SRGAP1: variants seen among roughly 807,000 people sequenced by gnomAD.
The protein encoded by SRGAP1 is SLIT-ROBO Rho GTPase-activating protein 1.
In SRGAP1, 43 loss-of-function variants were observed where a neutral mutation model predicts 121.9. The observed-to-expected ratio is 0.35, with a 90% CI of 0.28 to 0.46. SRGAP1 has a LOEUF of 0.46. Among genes scored for constraint, SRGAP1 ranks in the 20% least tolerant of loss-of-function variants. The probability of loss-of-function intolerance (pLI) is 1.00; values close to 1 mark genes in which losing one functional copy is unlikely to be tolerated. For missense variants in SRGAP1, 1,102 were observed against 1,350.9 expected (o/e 0.82, Z 2.89); for synonymous variants, 447 against 485.4 (o/e 0.92, Z 1.04).
chr12:63,870,614 A>G (rs1342098914), intron 1 of SRGAP1, among the ~76,000 whole-genome samples: 1 of 143,250 alleles, frequency 7.0e-6, no homozygotes, highest in Non-Finnish European at 1.5e-5. Context: ...CTCAGCTGTC[A>G]GTGCAACCTC....
At chr12:63,902,552 T>A (rs1020839330) in intron 1 of SRGAP1, among the ~76,000 whole-genome samples, 3 of 152,188 alleles carry the variant, frequency 2.0e-5, no homozygotes, top group Non-Finnish European at 4.4e-5. Context: ...ACTGGAGGCA[T>A]CTGTTCAAAA....
chr12:64,084,863 A>C (rs1017646546), intron 10 of SRGAP1, among the ~76,000 whole-genome samples: 64 of 152,000 alleles, frequency 4.2e-4, no homozygotes, highest in Non-Finnish European at 9.1e-4. Context: ...ATGTTATTAA[A>C]TTTACATTTA....
At chr12:63,946,734 G>A (rs1325652805) in intron 1 of SRGAP1, among the ~76,000 whole-genome samples, 5 of 151,856 alleles carry the variant, frequency 3.3e-5, no homozygotes, top group African/African-American at 1.2e-4. Context: ...TAGTAGAGAC[G>A]GGGTTTCTCC....
intron 1 of SRGAP1, among the ~76,000 whole-genome samples, chr12:63,921,346 A>T (rs1338356177): frequency 6.6e-6 from 1 of 152,160 alleles, no homozygotes; most frequent in Admixed American, 6.5e-5. Flanking sequence ...CAAGTTCAAA[A>T]CCCTTCAAGA....
chr12:64,130,792 C>G (rs573493419), intron 21 of SRGAP1, among the ~76,000 whole-genome samples: 153 of 152,326 alleles, frequency 1.0e-3, no homozygotes, highest in Non-Finnish European at 1.9e-3. Flanking sequence ...TTCCATGAGT[C>G]ACAGATGGTA....
chr12:63,884,295 A>C (rs967295686), intron 1 of SRGAP1, among the ~76,000 whole-genome samples: 1 of 152,116 alleles, frequency 6.6e-6, no homozygotes, highest in Non-Finnish European at 1.5e-5. Context: ...AAAAAAAGGA[A>C]GTATGGAGAG....
rs1205207124 is a variant in SRGAP1, at chr12:64,142,398, AAGT to A, written c.2985_2987del (p.Val996del). 2 of 1,613,982 alleles carry A rather than the reference AAGT, an allele frequency of 1.2e-6. No homozygotes were observed. The highest frequency in any genetic ancestry group is 2.7e-5 in the African/African-American group (2 of 74,900). ...GATGTGGTGCTGGATACCCTGGAGC[AAGT>A]GAAAAACTCTCCCACCCCTGCCACT... On this transcript the variant is annotated inframe_deletion, in exon 22 of 22. Coordinates refer to ENST00000355086, the MANE Select transcript of SRGAP1 (RefSeq NM_020762.4).
Position 64,042,897 on chromosome 12 carries a change from A to G in SRGAP1, c.597A>G (p.Pro199=), listed in dbSNP as rs1311598061. 3 of 1,613,676 alleles carry G rather than the reference A, an allele frequency of 1.9e-6. No homozygotes were observed. The highest frequency in any genetic ancestry group is 2.5e-6 in the Non-Finnish European group (3 of 1,179,766). ...AGCAAATTGGGAGATCTGGTGATCCAGTCTTCCATATTCGACTAGAGGAGA... is the reference window on the plus strand; with the variant it reads ...AGCAAATTGGGAGATCTGGTGATCCGGTCTTCCATATTCGACTAGAGGAGA... ...EEKQIGRSGD[P]VFHIRLEERH... The change falls in exon 5 of 22, where the codon CCA becomes CCG. Residue 199 remains proline, a synonymous_variant. Transcript: ENST00000355086.
rs532306774 is a variant in SRGAP1, at chr12:63,966,512, C to G, written c.68-17435C>G. Reference sequence around the variant, plus strand: ...ATAAAACTTTCCACAGAATTTATGACCAAATTCACATTGGATCAAGTTTTC... The same window carrying G: ...ATAAAACTTTCCACAGAATTTATGAGCAAATTCACATTGGATCAAGTTTTC... On this transcript the variant is annotated intron_variant, in intron 1 of 21. Transcript: ENST00000355086. Among the ~76,000 whole-genome samples the G allele has an allele frequency of 3.0e-4, 46 of 152,172 alleles. 1 individual carries two copies. In the South Asian group the frequency reaches 7.5e-3, roughly 25 times the overall value.
intron 8 of SRGAP1, among the ~76,000 whole-genome samples, chr12:64,077,960 CAATT>C (rs965541035): frequency 2.0e-5 from 3 of 152,148 alleles, no homozygotes; most frequent in South Asian, 2.1e-4. Flanking sequence ...AAAGTGTTCT[CAATT>C]AAGGAGATCC....
At position 64,079,664 on chromosome 12, in the gene SRGAP1, C is replaced by T. The variant is rs1424746136; in HGVS notation, c.1323+548C>T. Among the ~76,000 whole-genome samples the T allele has an allele frequency of 4.0e-5, 6 of 150,914 alleles. No homozygotes were observed. In the East Asian group the frequency reaches 1.2e-3, roughly 30 times the overall value. The stretch of plus-strand genomic sequence containing the variant: ...TCATTCTACTGCACTCCAGCCTGGG[C>T]AAGAGAGTGAGACCCCAACTCTAAA... On this transcript the variant is annotated intron_variant, in intron 9 of 21. Coordinates refer to ENST00000355086, the MANE Select transcript of SRGAP1 (RefSeq NM_020762.4).
At chr12:64,064,611 C>G (rs2034845) in intron 7 of SRGAP1, among the ~76,000 whole-genome samples, 2 of 152,166 alleles carry the variant, frequency 1.3e-5, no homozygotes, top group African/African-American at 4.8e-5. Context: ...TATAAGAACT[C>G]TTATCCTCAT....
intron 21 of SRGAP1, among the ~76,000 whole-genome samples, chr12:64,135,892 A>G (rs915246300): frequency 4.6e-5 from 7 of 152,226 alleles, no homozygotes; most frequent in African/African-American, 1.7e-4. Context: ...AGGTCCCACA[A>G]TAAGCCGTCT....
chr12:63,883,435 C>T (rs1250345824), intron 1 of SRGAP1, among the ~76,000 whole-genome samples: 1 of 152,164 alleles, frequency 6.6e-6, no homozygotes, highest in Non-Finnish European at 1.5e-5. Flanking sequence ...TAGATTGACA[C>T]ATCTCATAGC....
intron 1 of SRGAP1, among the ~76,000 whole-genome samples, chr12:63,855,473 G>GTTTTTTGTTT (rs1899208078): frequency 2.3e-4 from 12 of 52,938 alleles, no homozygotes; most frequent in African/African-American, 7.8e-4. Flanking sequence ...GAAAAATGGT[G>GTTTTTTGTTT]TTTTTTTTTT....
chr12:63,964,450 A>G (rs944736788), intron 1 of SRGAP1, among the ~76,000 whole-genome samples: 1 of 152,140 alleles, frequency 6.6e-6, no homozygotes, highest in Non-Finnish European at 1.5e-5. Flanking sequence ...TTAAGGATGA[A>G]GTCACTTGAG....
intron 1 of SRGAP1, among the ~76,000 whole-genome samples, chr12:63,913,909 C>T (rs533845481): frequency 2.6e-5 from 4 of 151,752 alleles, no homozygotes; most frequent in Middle Eastern, 3.4e-3. Flanking sequence ...AAGTATCCAT[C>T]GTGAAGGATT....
intron 1 of SRGAP1, among the ~76,000 whole-genome samples, chr12:63,980,766 G>A (rs2033224560): frequency 6.6e-6 from 1 of 151,826 alleles, no homozygotes; most frequent in African/African-American, 2.4e-5. Flanking sequence ...GCTAATTTTT[G>A]TATTTTTAGT....
chr12:64,003,755 G>A (rs1352968110), intron 3 of SRGAP1, among the ~76,000 whole-genome samples: 2 of 152,084 alleles, frequency 1.3e-5, no homozygotes, highest in Non-Finnish European at 1.5e-5. Flanking sequence ...TGAAGGAGAG[G>A]AGAAAGAGTG....
Sources: gnomAD v4.1 joint callset for allele counts (sites outside exome capture counted in the v4.1 genomes callset) on GRCh38, gnomAD v4.1.1 for gene constraint, MANE v1.5 for transcripts, NCBI Gene and HGNC (gene_info 2026-07-23, HGNC 2026-07-21) for gene names.